The following ROR2 variants were observed in gnomAD, a reference collection of about 807,000 sequenced individuals.
ROR2 encodes tyrosine-protein kinase transmembrane receptor ROR2.
In ROR2, 33 loss-of-function variants were observed where a neutral mutation model predicts 74.9. The observed-to-expected ratio is 0.44, with a 90% CI of 0.33 to 0.59. The LOEUF is 0.59. Ranked by LOEUF, ROR2 falls within the 20% of genes least tolerant of loss-of-function variation. ROR2 has a pLI of 0.02. For missense variants in ROR2, 1,216 were observed against 1,313.8 expected (o/e 0.93, Z 1.15); for synonymous variants, 586 against 558.7 (o/e 1.05, Z -0.69).
At chr9:91,774,951 A>G (rs930844524) in intron 2 of ROR2, among the ~76,000 whole-genome samples, 3 of 152,224 alleles carry the variant, frequency 2.0e-5, no homozygotes, top group Non-Finnish European at 4.4e-5. Context: ...GGCCTCCATG[A>G]CAGGAATAGT....
At chr9:91,819,521 C>A (rs1828065701) in intron 1 of ROR2, among the ~76,000 whole-genome samples, 1 of 150,668 alleles carries the variant, frequency 6.6e-6, no homozygotes. Context: ...TGTTCTGTGT[C>A]TGTCTTTGTG....
At position 91,722,857 on chromosome 9, in the gene ROR2, T is replaced by C. The variant is rs1198286038; in HGVS notation, c.*805A>G. On this transcript the variant is annotated 3_prime_UTR_variant, in exon 9 of 9. Coordinates refer to ENST00000375708, the MANE Select transcript of ROR2 (RefSeq NM_004560.4). ...ATGAAAATGGCATATTAAAAACATATAAATTACATTTAAGCTCTGTACATG... is the reference window on the plus strand; with the variant it reads ...ATGAAAATGGCATATTAAAAACATACAAATTACATTTAAGCTCTGTACATG... 7 of 527,480 alleles carry C rather than the reference T, an allele frequency of 1.3e-5. No homozygotes were observed. In the East Asian group the frequency reaches 2.3e-4, roughly 17 times the overall value. 32.7% of individuals were successfully genotyped at this position (527,480 alleles called of 1,614,324 possible).
intron 1 of ROR2, among the ~76,000 whole-genome samples, chr9:91,872,671 G>A (rs184116982): frequency 2.1e-4 from 32 of 152,276 alleles, no homozygotes; most frequent in Non-Finnish European, 4.1e-4. Context: ...AACACAGGGC[G>A]TGCGTTTTAT....
chr9:91,890,103 G>C (rs1243266035), intron 1 of ROR2, among the ~76,000 whole-genome samples: 1 of 152,210 alleles, frequency 6.6e-6, no homozygotes, highest in Admixed American at 6.5e-5. Flanking sequence ...GTGTTCTTAG[G>C]ATGGATTGCT....
At chr9:91,900,580 G>A (rs1190050450) in intron 1 of ROR2, among the ~76,000 whole-genome samples, 2 of 152,230 alleles carry the variant, frequency 1.3e-5, no homozygotes, top group Non-Finnish European at 2.9e-5. Flanking sequence ...GCGGGAAAAC[G>A]ACAAGCTTCT....
intron 1 of ROR2, 85 bp downstream of exon 1, chr9:91,949,782 G>T: frequency 1.1e-6 from 1 of 885,776 alleles, no homozygotes; most frequent in Non-Finnish European, 1.8e-6. Context: ...CCGGCGCAGC[G>T]GCCGGGAGCA....
chr9:91,729,951 T>C (rs966048759), intron 7 of ROR2, among the ~76,000 whole-genome samples: 1 of 152,164 alleles, frequency 6.6e-6, no homozygotes, highest in African/African-American at 2.4e-5. Context: ...TGAGCAATAA[T>C]GGTGTTTTTT....
At position 91,757,259 on chromosome 9, in the gene ROR2, C is replaced by A; in HGVS notation, c.463+13G>T. 1 of 1,613,892 alleles carries A rather than the reference C, an allele frequency of 6.2e-7. No homozygotes were observed. The highest frequency in any genetic ancestry group is 1.1e-5 in the South Asian group (1 of 91,074). On this transcript the variant is annotated intron_variant, in intron 3 of 8. Coordinates refer to ENST00000375708, the MANE Select transcript of ROR2 (RefSeq NM_004560.4). ...ATATCTGCTAACCCACACAATTTCA[C>A]TGTCCAACTCACCCAGCCGCACAAA... is the stretch of plus-strand genomic sequence containing the variant.
intron 1 of ROR2, among the ~76,000 whole-genome samples, chr9:91,815,596 T>C (rs1255715184): frequency 6.6e-6 from 1 of 152,268 alleles, no homozygotes; most frequent in Admixed American, 6.5e-5. Flanking sequence ...GTGTAAATAC[T>C]GTTCTTAACT....
intron 4 of ROR2, among the ~76,000 whole-genome samples, chr9:91,743,178 C>A (rs1324381274): frequency 2.0e-5 from 3 of 152,146 alleles, no homozygotes; most frequent in Non-Finnish European, 2.9e-5. Flanking sequence ...AGAAAAAAAT[C>A]TATGAACTTG....
intron 4 of ROR2, among the ~76,000 whole-genome samples, chr9:91,749,946 G>T (rs1260413965): frequency 6.6e-6 from 1 of 152,188 alleles, no homozygotes; most frequent in Non-Finnish European, 1.5e-5. Context: ...CTGTCGCCCA[G>T]GCTGGAGTGA....
chr9:91,895,238 G>T (rs1183734209), intron 1 of ROR2, among the ~76,000 whole-genome samples: 2 of 152,196 alleles, frequency 1.3e-5, no homozygotes, highest in African/African-American at 4.8e-5. Context: ...TCATGTGATT[G>T]CCAGGGATTG....
At chr9:91,726,926 C>T (rs1278146749) in intron 7 of ROR2, among the ~76,000 whole-genome samples, 183 bp from the exon 8 acceptor site, 1 of 152,174 alleles carries the variant, frequency 6.6e-6, no homozygotes, top group African/African-American at 2.4e-5. Context: ...AAAAAATGCA[C>T]ACCCGGCTGC....
intron 1 of ROR2, among the ~76,000 whole-genome samples, chr9:91,928,379 C>G (rs963246596): frequency 6.6e-6 from 1 of 152,210 alleles, no homozygotes; most frequent in Non-Finnish European, 1.5e-5. Context: ...ATGTAAATAA[C>G]AAAATCTTTC....
chr9:91,781,550 C>A (rs999906472), intron 1 of ROR2, among the ~76,000 whole-genome samples: 1 of 152,192 alleles, frequency 6.6e-6, no homozygotes, highest in East Asian at 1.9e-4. Flanking sequence ...TAGCAAAGAG[C>A]CTTGAGACTG....
rs567751926 is a variant in ROR2, at chr9:91,920,891, T to C, written c.97+28976A>G. ...GGCACGGACCAAGGGTGTGCTTCAC[T>C]GATCTGCATCAAAATGTAAATTGGA... On this transcript the variant is annotated intron_variant, in intron 1 of 8. Coordinates refer to ENST00000375708, the MANE Select transcript of ROR2 (RefSeq NM_004560.4). 2.6e-5 allele frequency among the ~76,000 whole-genome samples: 4 copies of C among 152,368 alleles called. No homozygotes were observed. In the South Asian group the frequency reaches 8.3e-4, roughly 32 times the overall value.
At chr9:91,774,567 A>C (rs1826355552) in intron 2 of ROR2, among the ~76,000 whole-genome samples, 1 of 152,206 alleles carries the variant, frequency 6.6e-6, no homozygotes, top group Non-Finnish European at 1.5e-5. Flanking sequence ...ACAGAAAGCC[A>C]ATCACTGAAA....
rs534997285 is a variant in ROR2 at position 91,723,976 on chromosome 9, C to T, written c.2518G>A (p.Val840Met). The change falls in exon 9 of 9, where the codon GTG (valine) becomes ATG (methionine). Residue 840 changes from valine (V) to methionine (M), a missense_variant. By Grantham distance (21) the Val-to-Met change is conservative (BLOSUM62 1). Transcript: ENST00000375708. ...GGGGCCATCTGCATTGGGATCTGCA[C>T]CGGGTAGAAGTTGGGCAGGTAGGCC... ...YGAYLPNFYP[V>M]QIPMQMAPQQ... The T allele has an allele frequency of 1.2e-6, 2 of 1,613,098 alleles. No homozygotes were observed. The highest frequency in any genetic ancestry group is 2.2e-5 in the East Asian group (1 of 44,878).
At chr9:91,867,096 T>C (rs1259454374) in intron 1 of ROR2, among the ~76,000 whole-genome samples, 1 of 152,168 alleles carries the variant, frequency 6.6e-6, no homozygotes, top group Non-Finnish European at 1.5e-5. Context: ...CTGGAACGAA[T>C]AGGGGAGCAC....
Sources: gnomAD v4.1 joint callset for allele counts (sites outside exome capture counted in the v4.1 genomes callset) on GRCh38, gnomAD v4.1.1 for gene constraint, MANE v1.5 for transcripts, NCBI Gene and HGNC (gene_info 2026-07-23, HGNC 2026-07-21) for gene names.